Variants in PTPRD observed in about 807,000 individuals in gnomAD.
The protein encoded by PTPRD is receptor-type tyrosine-protein phosphatase delta.
PTPRD carries 34 observed loss-of-function variants against 214.5 expected under a neutral mutation model. That is an observed-to-expected ratio of 0.16 (90% CI 0.12 to 0.21). PTPRD has a LOEUF of 0.21. PTPRD is among the 10% of genes least tolerant of loss of function. PTPRD has a pLI of 1.00. For synonymous variants in PTPRD, 1,128 were observed against 845.7 expected (o/e 1.33, Z -5.79); for missense variants, 2,545 against 2,398.7 (o/e 1.06, Z -1.27).
intron 3 of PTPRD, among the ~76,000 whole-genome samples, chr9:10,143,130 G>T (rs186103171): frequency 0.019 from 2,836 of 152,074 alleles, 36 homozygotes; most frequent in African/African-American, 0.043. Context: ...GTTGTGAGGT[G>T]GGGGGAGGGG....
At chr9:8,794,486 T>C (rs888630594) in intron 11 of PTPRD, among the ~76,000 whole-genome samples, 2 of 151,392 alleles carry the variant, frequency 1.3e-5, no homozygotes, top group African/African-American at 4.9e-5. Flanking sequence ...CACTCTCTAG[T>C]GACATTTATA....
At chr9:9,629,324 C>T (rs1266500265) in intron 7 of PTPRD, among the ~76,000 whole-genome samples, 1 of 148,340 alleles carries the variant, frequency 6.7e-6, no homozygotes, top group Admixed American at 6.8e-5. Flanking sequence ...TATTTAGTTA[C>T]TTAACTTTAA....
chr9:8,913,551 T>C (rs148669837), intron 11 of PTPRD, among the ~76,000 whole-genome samples: 1 of 152,152 alleles, frequency 6.6e-6, no homozygotes, highest in African/African-American at 2.4e-5. Context: ...TTTCTTAATT[T>C]AAATAAAAAA....
chr9:9,852,083 T>C (rs549274937), intron 5 of PTPRD, among the ~76,000 whole-genome samples: 213 of 151,806 alleles, frequency 1.4e-3, no homozygotes, highest in African/African-American at 5.0e-3. Context: ...ACCAGACATA[T>C]AAAACAAGGG....
In PTPRD at chr9:8,749,497, AT is replaced by A. The variant is rs2093297439; in HGVS notation, c.-103-15552del. ...GCCACCATGACCAGGTGAAGTTTGGATTTTTTTAAACCTATATTTTAAGTGA... is the reference window on the plus strand; with the variant it reads ...GCCACCATGACCAGGTGAAGTTTGGATTTTTTAAACCTATATTTTAAGTGA... On this transcript the variant is annotated intron_variant, in intron 11 of 45. Transcript: ENST00000381196. 2.0e-5 allele frequency among the ~76,000 whole-genome samples: 3 copies of A among 152,082 alleles called. No individual in the cohort carries two copies. In the South Asian group the frequency reaches 6.2e-4, roughly 31 times the overall value.
chr9:9,453,441 T>C (rs2092546615), intron 8 of PTPRD, among the ~76,000 whole-genome samples: 1 of 151,722 alleles, frequency 6.6e-6, no homozygotes, highest in Non-Finnish European at 1.5e-5. Flanking sequence ...ATCACCATTT[T>C]ATTGTTGAAA....
At chr9:10,523,940 A>G (rs942138359) in intron 2 of PTPRD, among the ~76,000 whole-genome samples, 3 of 151,964 alleles carry the variant, frequency 2.0e-5, no homozygotes, top group African/African-American at 7.2e-5. Flanking sequence ...ATGATGGCTT[A>G]AACAACCGAA....
rs35855733 is a variant in PTPRD at position 9,960,222 on chromosome 9, G to GAA, written c.-471-21614_-471-21613dup. Among the ~76,000 whole-genome samples, 430 of 124,240 alleles carry GAA rather than the reference G, an allele frequency of 3.5e-3. 7 individuals carry two copies. The highest frequency in any genetic ancestry group is 0.025 in the South Asian group (93 of 3,690). 81.5% of individuals were successfully genotyped at this position (124,240 alleles called of 152,430 possible). On this transcript the variant is annotated intron_variant, in intron 4 of 45. Coordinates refer to ENST00000381196, the MANE Select transcript of PTPRD (RefSeq NM_002839.4). ...TATGAAAAAAGGAGTATGAAAATTT[G>GAA]AAAAAAAAAAAAAAATAGTGTGTCA...
At chr9:9,447,913 T>G (rs948089903) in intron 8 of PTPRD, among the ~76,000 whole-genome samples, 2 of 151,908 alleles carry the variant, frequency 1.3e-5, no homozygotes, top group African/African-American at 4.8e-5. Flanking sequence ...AATGACTGAG[T>G]GATGAAAGAT....
intron 2 of PTPRD, among the ~76,000 whole-genome samples, chr9:10,415,825 A>C (rs1394199488): frequency 6.6e-6 from 1 of 151,830 alleles, no homozygotes; most frequent in Non-Finnish European, 1.5e-5. Flanking sequence ...GGGCATGAGA[A>C]TATCATAAGG....
At chr9:10,037,741 T>C (rs2097214060) in intron 3 of PTPRD, among the ~76,000 whole-genome samples, 1 of 152,146 alleles carries the variant, frequency 6.6e-6, no homozygotes, top group Non-Finnish European at 1.5e-5. Flanking sequence ...TTATCTTACA[T>C]GCAAAAAGAC....
intron 43 of PTPRD, among the ~76,000 whole-genome samples, chr9:8,335,402 T>C (rs1845652819): frequency 6.6e-6 from 1 of 152,106 alleles, no homozygotes. Context: ...CACATGATTA[T>C]CTCAATAGAT....
chr9:9,671,741 C>T (rs964204704), intron 7 of PTPRD, among the ~76,000 whole-genome samples: 1 of 152,130 alleles, frequency 6.6e-6, no homozygotes, highest in South Asian at 2.1e-4. Flanking sequence ...TTGCCACCAC[C>T]GCCATGTCAG....
At chr9:8,379,438 T>C (rs981776316) in intron 37 of PTPRD, among the ~76,000 whole-genome samples, 5 of 152,172 alleles carry the variant, frequency 3.3e-5, no homozygotes, top group South Asian at 4.1e-4. Context: ...CTGACAAATA[T>C]TATTTTAAGT....
At chr9:10,299,398 T>C (rs1160563821) in intron 3 of PTPRD, among the ~76,000 whole-genome samples, 1 of 152,158 alleles carries the variant, frequency 6.6e-6, no homozygotes, top group African/African-American at 2.4e-5. Flanking sequence ...GAGATGTTAA[T>C]TTCAGCTACC....
At chr9:9,736,806 A>C (rs1482137270) in intron 6 of PTPRD, among the ~76,000 whole-genome samples, 1 of 151,978 alleles carries the variant, frequency 6.6e-6, no homozygotes, top group Non-Finnish European at 1.5e-5. Context: ...ATCGATTCAC[A>C]GAAGTGCTTT....
intron 8 of PTPRD, among the ~76,000 whole-genome samples, chr9:9,474,685 T>TC (rs1246858154): frequency 8.6e-5 from 13 of 151,894 alleles, no homozygotes; most frequent in South Asian, 2.1e-4. Context: ...TCCTAGGGTT[T>TC]TTTTTGTAGC....
In PTPRD at chr9:9,859,499, T is replaced by C. The variant is rs976351208; in HGVS notation, c.-368+79008A>G. Among the ~76,000 whole-genome samples the C allele has an allele frequency of 2.0e-5, 3 of 152,176 alleles. No homozygotes were observed. In the East Asian group the frequency reaches 5.8e-4, roughly 29 times the overall value. ...TGTTATGCATTATTTAACATCCTTA[T>C]CCTGAGCCAAATTGCACCAAAATAA... On this transcript the variant is annotated intron_variant, in intron 5 of 45. Transcript: ENST00000381196.
At chr9:9,668,524 T>C (rs1414041685) in intron 7 of PTPRD, among the ~76,000 whole-genome samples, 1 of 152,122 alleles carries the variant, frequency 6.6e-6, no homozygotes, top group Non-Finnish European at 1.5e-5. Flanking sequence ...TCCAATTAAG[T>C]TTTGATTGGC....
Sources: allele counts gnomAD v4.1 joint callset (sites outside exome capture counted in the v4.1 genomes callset), GRCh38; gene constraint gnomAD v4.1.1; transcripts MANE v1.5; gene names NCBI Gene and HGNC (gene_info 2026-07-23, HGNC 2026-07-21).